The following KHDRBS2 variants were observed in gnomAD, a reference collection of about 807,000 sequenced individuals.
The protein encoded by KHDRBS2 is KH domain-containing, RNA-binding, signal transduction-associated protein 2.
KHDRBS2 carries 26 observed loss-of-function variants against 44.3 expected under a neutral mutation model. The ratio of observed to expected loss-of-function variants is 0.59; its 90% CI spans 0.43 to 0.81. KHDRBS2 has a LOEUF of 0.81. Ranked by LOEUF, KHDRBS2 falls within the 40% of genes least tolerant of loss-of-function variation. KHDRBS2 has a pLI of 0.00. For missense variants in KHDRBS2, 476 were observed against 433.1 expected, an observed-to-expected ratio of 1.10 and a Z score of -0.88; for synonymous variants, 194 against 151.1, an observed-to-expected ratio of 1.28 and a Z score of -2.08.
intron 6 of KHDRBS2, among the ~76,000 whole-genome samples, chr6:61,757,596 T>G (rs1029631599): frequency 1.3e-5 from 2 of 152,208 alleles, no homozygotes; most frequent in African/African-American, 2.4e-5. Context: ...TGACAATGGT[T>G]TAAAACTATC....
At chr6:61,685,652 T>G (rs1766737185) in intron 8 of KHDRBS2, among the ~76,000 whole-genome samples, 1 of 151,804 alleles carries the variant, frequency 6.6e-6, no homozygotes, top group East Asian at 2.0e-4. Context: ...GAGGAACATT[T>G]GACTGTGATA....
intron 8 of KHDRBS2, among the ~76,000 whole-genome samples, chr6:61,691,393 T>A (rs573652726): frequency 6.6e-6 from 1 of 152,216 alleles, no homozygotes; most frequent in South Asian, 2.1e-4. Context: ...AAGCTAATTT[T>A]AAAATTAATT....
chr6:61,552,875 T>G, the KHDRBS2 span, among the ~76,000 whole-genome samples: 36 of 152,292 alleles, frequency 2.4e-4, no homozygotes, highest in South Asian at 3.1e-3. Context: ...ATTAGCTTTT[T>G]GATGTGCTGC....
At chr6:61,567,533 C>T in the KHDRBS2 span, among the ~76,000 whole-genome samples, 1 of 152,148 alleles carries the variant, frequency 6.6e-6, no homozygotes, top group Non-Finnish European at 1.5e-5. Flanking sequence ...CTTAGCTACT[C>T]TGGAGGCTGA....
At chr6:61,572,821 A>G in the KHDRBS2 span, among the ~76,000 whole-genome samples, 1 of 152,200 alleles carries the variant, frequency 6.6e-6, no homozygotes, top group East Asian at 1.9e-4. Flanking sequence ...ACATACCTCA[A>G]GGTAATAAAA....
At chr6:62,160,616 G>A (rs1163282808) in intron 2 of KHDRBS2, among the ~76,000 whole-genome samples, 3 of 151,998 alleles carry the variant, frequency 2.0e-5, no homozygotes, top group Admixed American at 6.6e-5. Flanking sequence ...AGATGACCAC[G>A]GCTACTCTGT....
At chr6:61,969,064 T>C (rs1192447) in intron 4 of KHDRBS2, among the ~76,000 whole-genome samples, 108,811 of 151,932 alleles carry the variant, frequency 0.72, 39,028 homozygotes, top group African/African-American at 0.75. Context: ...ATTATAGAAA[T>C]GAATCCACAT....
intron 2 of KHDRBS2, among the ~76,000 whole-genome samples, chr6:62,114,610 T>TCTC (rs1293513523): frequency 1.3e-5 from 2 of 152,170 alleles, no homozygotes; most frequent in African/African-American, 2.4e-5. Flanking sequence ...AATCTTGGTA[T>TCTC]TATAAACAAT....
intron 6 of KHDRBS2, among the ~76,000 whole-genome samples, chr6:61,799,756 GA>G (rs1423154383): frequency 6.6e-6 from 1 of 152,040 alleles, no homozygotes; most frequent in East Asian, 1.9e-4. Context: ...AGACAGTAAA[GA>G]GGAGATTGAA....
the KHDRBS2 span, among the ~76,000 whole-genome samples, chr6:61,581,373 C>T: frequency 6.6e-6 from 1 of 151,500 alleles, no homozygotes; most frequent in Non-Finnish European, 1.5e-5. Context: ...GTGTTTCTGA[C>T]CACAGAAATT....
chr6:61,578,648 C>T, the KHDRBS2 span, among the ~76,000 whole-genome samples: 4 of 151,870 alleles, frequency 2.6e-5, no homozygotes, highest in South Asian at 2.1e-4. Context: ...CCATTGCGTT[C>T]GTGTCATAGT....
chr6:61,757,335 A>AT, intron 6 of KHDRBS2, among the ~76,000 whole-genome samples: 1 of 152,162 alleles, frequency 6.6e-6, no homozygotes, highest in African/African-American at 2.4e-5. Context: ...GTATTTAAAG[A>AT]TTTTACCTTC....
intron 8 of KHDRBS2, among the ~76,000 whole-genome samples, chr6:61,689,998 C>T (rs1173578627): frequency 6.6e-6 from 1 of 151,982 alleles, no homozygotes; most frequent in Non-Finnish European, 1.5e-5. Flanking sequence ...TAACAATATT[C>T]TAGTCCAAAA....
intron 6 of KHDRBS2, among the ~76,000 whole-genome samples, chr6:61,765,995 T>G (rs1349775006): frequency 1.3e-5 from 2 of 152,136 alleles, no homozygotes; most frequent in Non-Finnish European, 2.9e-5. Context: ...ACTTGCCTCA[T>G]AGGATGAATT....
At chr6:61,720,815 G>A (rs926248868) in intron 7 of KHDRBS2, among the ~76,000 whole-genome samples, 2 of 151,210 alleles carry the variant, frequency 1.3e-5, no homozygotes, top group Non-Finnish European at 3.0e-5. Flanking sequence ...GGCTTTTGTT[G>A]CCATTGCTTT....
chr6:61,574,052 A>C, the KHDRBS2 span, among the ~76,000 whole-genome samples: 1 of 152,196 alleles, frequency 6.6e-6, no homozygotes, highest in Non-Finnish European at 1.5e-5. Context: ...CACCCTATTC[A>C]ACAAATGGTG....
chr6:62,062,590 G>C (rs1019821463), intron 2 of KHDRBS2, among the ~76,000 whole-genome samples: 2 of 149,452 alleles, frequency 1.3e-5, no homozygotes, highest in Non-Finnish European at 3.0e-5. Context: ...GAAGAACAAA[G>C]ACACAACATA....
chr6:61,921,289 A>G (rs772287207), intron 4 of KHDRBS2, among the ~76,000 whole-genome samples: 1 of 151,976 alleles, frequency 6.6e-6, no homozygotes, highest in Non-Finnish European at 1.5e-5. Context: ...TGTACCAATC[A>G]GCAAGTGTTC....
At chr6:61,771,649 T>A (rs1218908464) in intron 6 of KHDRBS2, among the ~76,000 whole-genome samples, 1 of 152,262 alleles carries the variant, frequency 6.6e-6, no homozygotes, top group East Asian at 1.9e-4. Flanking sequence ...ATCCTAAATA[T>A]ATATGCACCC....
Sources: allele counts gnomAD v4.1 joint callset (sites outside exome capture counted in the v4.1 genomes callset), GRCh38; gene constraint gnomAD v4.1.1; transcripts MANE v1.5; gene names NCBI Gene and HGNC (gene_info 2026-07-23, HGNC 2026-07-21).